SNX24: variants seen among roughly 807,000 people sequenced by gnomAD.
SNX24 encodes the protein sorting nexin 24, also known as sorting nexin-24.
In SNX24, 22 loss-of-function variants were observed where a neutral mutation model predicts 28.7. That is an observed-to-expected ratio of 0.77 (90% confidence interval 0.55 to 1.10). The LOEUF (loss-of-function observed/expected upper bound fraction) is 1.10, where lower values mean the gene tolerates loss of function less well. Ranked by LOEUF, SNX24 falls within the 50% of genes least tolerant of loss-of-function variation. SNX24 has a pLI of 0.00. For missense variants in SNX24, 221 were observed against 201.1 expected (o/e 1.10, Z -0.60); for synonymous variants, 69 against 71.5 (o/e 0.96, Z 0.18).
intron 1 of SNX24, among the ~76,000 whole-genome samples, chr5:122,870,779 C>T (rs1755937558): frequency 6.6e-6 from 1 of 152,206 alleles, no homozygotes; most frequent in African/African-American, 2.4e-5. Flanking sequence ...GTTAGCACCA[C>T]TTCAGGTGCC....
At chr5:122,909,276 G>A (rs554052305) in intron 1 of SNX24, among the ~76,000 whole-genome samples, 1 of 152,024 alleles carries the variant, frequency 6.6e-6, no homozygotes, top group East Asian at 1.9e-4. Flanking sequence ...TAAGATTCAG[G>A]GACACTTAGA....
chr5:122,962,254 A>G (rs1486487296), intron 3 of SNX24, among the ~76,000 whole-genome samples: 8 of 152,118 alleles, frequency 5.3e-5, no homozygotes, highest in Admixed American at 2.0e-4. Flanking sequence ...TCTTAGAACA[A>G]TGCATGATAT....
chr5:123,001,669 G>T (rs1016287048), intron 5 of SNX24, among the ~76,000 whole-genome samples: 2 of 152,136 alleles, frequency 1.3e-5, no homozygotes, highest in Non-Finnish European at 2.9e-5. Context: ...ATCAACAATC[G>T]TATTACAAGA....
intron 1 of SNX24, among the ~76,000 whole-genome samples, chr5:122,905,944 A>G (rs143924935): frequency 9.8e-5 from 15 of 152,304 alleles, no homozygotes; most frequent in Non-Finnish European, 2.1e-4. Flanking sequence ...AGTACCTACT[A>G]TGTGGTAAAG....
At chr5:122,919,275 ACT>A (rs1298334927) in intron 1 of SNX24, among the ~76,000 whole-genome samples, 1 of 152,146 alleles carries the variant, frequency 6.6e-6, no homozygotes, top group South Asian at 2.1e-4. Context: ...AAGCAGAGAA[ACT>A]CTAAGAGATT....
chr5:122,999,422 T>C (rs114626715), intron 3 of SNX24, among the ~76,000 whole-genome samples: 1,776 of 151,702 alleles, frequency 0.012, 44 homozygotes, highest in African/African-American at 0.041. Context: ...ATTTATCATA[T>C]TTCCTAAATA....
chr5:122,887,416 A>G (rs903156749), intron 1 of SNX24, among the ~76,000 whole-genome samples: 1 of 152,156 alleles, frequency 6.6e-6, no homozygotes, highest in African/African-American at 2.4e-5. Flanking sequence ...GAGAGAGTCT[A>G]TTTTTATTTA....
chr5:122,941,402 G>T (rs1426040501), intron 2 of SNX24, among the ~76,000 whole-genome samples: 1 of 152,086 alleles, frequency 6.6e-6, no homozygotes, highest in Non-Finnish European at 1.5e-5. Context: ...CTCATTATAT[G>T]AGGTAAAAAT....
downstream of SNX24, among the ~76,000 whole-genome samples, chr5:123,012,534 T>C (rs950395940): frequency 8.5e-5 from 13 of 152,352 alleles, no homozygotes; most frequent in African/African-American, 3.1e-4. Flanking sequence ...TAGTGTTTAA[T>C]AGGTTTCAGC....
At chr5:122,884,183 T>A (rs1756596302) in intron 1 of SNX24, among the ~76,000 whole-genome samples, 1 of 152,108 alleles carries the variant, frequency 6.6e-6, no homozygotes, top group African/African-American at 2.4e-5. Flanking sequence ...GTTAGTCTGA[T>A]TTGAATTCTG....
At chr5:123,005,280 T>C (rs1487560596) in intron 6 of SNX24, among the ~76,000 whole-genome samples, 1 of 152,206 alleles carries the variant, frequency 6.6e-6, no homozygotes, top group Non-Finnish European at 1.5e-5. Flanking sequence ...CAGCTCTTGG[T>C]GGACATACAT....
rs1759297862 is a variant in SNX24 at position 122,938,735 on chromosome 5, TCG to T, written c.144+1919_144+1920del. ...GCGGGCGGATCACGAGGTCAGGAGA[TCG>T]AGACCATCCTGGCTAACACGGTGAA... On this transcript the variant is annotated intron_variant, in intron 2 of 6. Coordinates refer to ENST00000261369, the MANE Select transcript of SNX24 (RefSeq NM_014035.4). 1.7e-4 allele frequency among the ~76,000 whole-genome samples: 2 copies of T among 11,704 alleles called. 1 individual carries two copies. Among genetic ancestry groups the T allele is most frequent in the African/African-American group, 2.6e-3 (2 of 776 alleles). 7.7% of individuals were successfully genotyped at this position (11,704 alleles called of 152,430 possible).
intron 2 of SNX24, among the ~76,000 whole-genome samples, chr5:122,940,964 G>T (rs1436466657): frequency 1.3e-5 from 2 of 152,000 alleles, no homozygotes; most frequent in East Asian, 3.9e-4. Context: ...TCGTCTCGTG[G>T]CCTCTTTCAT....
chr5:122,973,078 A>G (rs757550714), intron 3 of SNX24, among the ~76,000 whole-genome samples: 2 of 152,224 alleles, frequency 1.3e-5, no homozygotes, highest in Non-Finnish European at 2.9e-5. Flanking sequence ...GATTATTAAA[A>G]TGCTCCTCTG....
intron 3 of SNX24, among the ~76,000 whole-genome samples, chr5:122,983,506 G>A (rs1005819790): frequency 1.3e-5 from 2 of 152,190 alleles, no homozygotes; most frequent in Non-Finnish European, 2.9e-5. Flanking sequence ...ACTGATGAGA[G>A]CAGACTTAGC....
chr5:122,891,119 A>G (rs1481831396), intron 1 of SNX24: 4 of 1,508,300 alleles, frequency 2.7e-6, no homozygotes, highest in Admixed American at 4.4e-5. Flanking sequence ...GAAGACTTAC[A>G]TATCAGGTAT....
At chr5:122,958,915 T>G (rs959021948) in intron 3 of SNX24, among the ~76,000 whole-genome samples, 1 of 152,178 alleles carries the variant, frequency 6.6e-6, no homozygotes, top group African/African-American at 2.4e-5. Flanking sequence ...TATTGAAGAC[T>G]TTTGCATCAG....
At chr5:122,969,185 G>T (rs939671436) in intron 3 of SNX24, among the ~76,000 whole-genome samples, 2 of 152,030 alleles carry the variant, frequency 1.3e-5, no homozygotes, top group South Asian at 4.1e-4. Context: ...TACATAAGGT[G>T]CTCTGTTTTC....
intron 1 of SNX24, among the ~76,000 whole-genome samples, chr5:122,915,355 G>A (rs1199314248): frequency 6.6e-6 from 1 of 152,190 alleles, no homozygotes; most frequent in Non-Finnish European, 1.5e-5. Context: ...GCCAGGTGCT[G>A]TGGTTCATTC....
Sources: allele counts gnomAD v4.1 joint callset (sites outside exome capture counted in the v4.1 genomes callset), GRCh38; gene constraint gnomAD v4.1.1; transcripts MANE v1.5; gene names NCBI Gene and HGNC (gene_info 2026-07-23, HGNC 2026-07-21).